PROZ: variants seen among roughly 807,000 people sequenced by gnomAD.
PROZ encodes the protein vitamin K-dependent protein Z.
A neutral mutation model predicts 34.9 loss-of-function variants in PROZ; 46 were observed. The ratio of observed to expected loss-of-function variants is 1.32; its 90% CI spans 1.04 to 1.69. The LOEUF is 1.69. PROZ is among the 40% of genes most tolerant of loss of function. The pLI, the probability that PROZ is intolerant of heterozygous loss-of-function variation, is 0.00. For synonymous variants in PROZ, 195 were observed against 208.5 expected (o/e 0.94, Z 0.56); for missense variants, 530 against 520.4 (o/e 1.02, Z -0.18).
chr13:113,172,299 C>A lies in PROZ; in HGVS notation c.*194C>A. The A allele has an allele frequency of 1.5e-6, 1 of 678,798 alleles. No individual in the cohort carries two copies. The highest frequency in any genetic ancestry group is 2.6e-5 in the Admixed American group (1 of 39,092). The allele number at this position is 678,798 out of a possible 1,614,324, so 42.0% of individuals were successfully genotyped here. On this transcript the variant is annotated 3_prime_UTR_variant, in exon 8 of 8. Transcript: ENST00000375547. The stretch of plus-strand genomic sequence containing the variant: ...ACCGAGCACTGTGACCTTTCTTTCC[C>A]TGGAACTCTTTATCTCAATAGAGAC...
chr13:113,164,579 C>T lies in PROZ; in HGVS notation c.440C>T (p.Ser147Phe), dbSNP rs2036863964. Reference protein sequence around the residue: ...CQHFCLPGQESYTCSCAQGYR... With the variant: ...CQHFCLPGQEFYTCSCAQGYR... The stretch of plus-strand genomic sequence containing the variant: ...CACTTCTGCCTCCCAGGACAGGAAT[C>T]CTACACATGCAGCTGTGCTCAGGGC... Residue 147 changes from serine (S) to phenylalanine (F), a missense_variant, in exon 5 of 8, where the codon TCC (serine) becomes TTC (phenylalanine). Ser to Phe is a radical substitution (Grantham distance 155). Coordinates refer to ENST00000375547, the MANE Select transcript of PROZ (RefSeq NM_003891.3). 1 of 1,613,672 alleles carries T rather than the reference C, an allele frequency of 6.2e-7. No individual in the cohort carries two copies. Among genetic ancestry groups the T allele is most frequent in the African/African-American group, 1.3e-5 (1 of 74,796 alleles).
intron 3 of PROZ, among the ~76,000 whole-genome samples, chr13:113,161,241 A>G (rs1172902738): frequency 6.6e-6 from 1 of 152,234 alleles, no homozygotes; most frequent in African/African-American, 2.4e-5. Context: ...CATGGGCCAC[A>G]GGCCAGGAGG....
In PROZ at chr13:113,159,932, C is replaced by A; in HGVS notation, c.71-82C>A. 1.9e-6 allele frequency: 3 copies of A among 1,553,364 alleles called. No individual in the cohort carries two copies. The highest frequency in any genetic ancestry group is 2.7e-6 in the Non-Finnish European group (3 of 1,127,792). The stretch of plus-strand genomic sequence containing the variant: ...AGACGGACGGGGCTGGGGCTGGCGG[C>A]CGGCCGGGGAGGAAGCCAGGCAGCT... On this transcript the variant is annotated intron_variant, in intron 1 of 7. Transcript: ENST00000375547. This position sits in a 1 kb window ranked among gnomAD's most constrained non-coding sequence, Gnocchi z 4.6.
chr13:113,168,551 C>G (rs577351656), intron 6 of PROZ, among the ~76,000 whole-genome samples: 1 of 152,316 alleles, frequency 6.6e-6, no homozygotes, highest in African/African-American at 2.4e-5. Context: ...ATGTCCTTAC[C>G]TGTGGCACTT....
In PROZ at chr13:113,172,099, GAACT is replaced by G. The variant is rs778294437; in HGVS notation, c.1202_*2del. On this transcript the variant is annotated frameshift_variant and stop_lost, in exon 8 of 8. Transcript: ENST00000375547. LOFTEE classifies it high-confidence loss of function. ...ACTCACTCTGGTTTAAACAGATCAT[GAACT>G]AACTGAAACTCAGCTAGCCAGAATG... 2.8e-5 allele frequency: 45 copies of G among 1,612,420 alleles called. No individual in the cohort carries two copies. The highest frequency in any genetic ancestry group is 1.7e-4 in the Admixed American group (10 of 59,952).
chr13:113,164,274 G>A (rs557689828), intron 4 of PROZ, among the ~76,000 whole-genome samples: 15 of 152,116 alleles, frequency 9.9e-5, no homozygotes, highest in South Asian at 2.1e-4. Flanking sequence ...CACCGCGCCC[G>A]GCCTCACTCA....
chr13:113,171,552 A>G lies in PROZ; in HGVS notation c.692-42A>G. ...CTCGTTTGAGCATTATGTCCCCTTG[A>G]AAATCAGACTGTAAAGAACTGACGA... is the stretch of plus-strand genomic sequence containing the variant. On this transcript the variant is annotated intron_variant, in intron 7 of 7. Transcript: ENST00000375547. The surrounding 1 kb of genome is among the most constrained non-coding windows in gnomAD (Gnocchi z 5.1). The G allele has an allele frequency of 6.2e-7, 1 of 1,613,326 alleles. No individual in the cohort carries two copies. Among genetic ancestry groups the G allele is most frequent in the Non-Finnish European group, 8.5e-7 (1 of 1,179,882 alleles).
chr13:113,159,087 C>A lies in PROZ; in HGVS notation c.70+357C>A, dbSNP rs1317333367. ...GGTGGGGCAGGCTGAGCCCAGACTG[C>A]AATGTGGGCAGAGAGAGCCTTGGCC... On this transcript the variant is annotated intron_variant, in intron 1 of 7. Transcript: ENST00000375547. This position sits in a 1 kb window ranked among gnomAD's most constrained non-coding sequence, Gnocchi z 4.6. The A allele has an allele frequency of 1.2e-6, 1 of 865,752 alleles. No individual in the cohort carries two copies. 53.6% of individuals were successfully genotyped at this position (865,752 alleles called of 1,614,324 possible). A position where few individuals can be genotyped will look rare whatever the true frequency, so the allele number is the denominator to read the frequency against.
At chr13:113,165,555 G>T (rs888956363) in intron 6 of PROZ, among the ~76,000 whole-genome samples, 1 of 152,080 alleles carries the variant, frequency 6.6e-6, no homozygotes, top group African/African-American at 2.4e-5. Flanking sequence ...TTTTGAGATG[G>T]AGTCTCAATC....
Position 113,160,118 on chromosome 13 carries a change from T to G in PROZ, c.175T>G (p.Tyr59Asp). ...CGAGGGAAACTTGGAAAAAGAATGT[T>G]ATGAAGAAATCTGTGTCTATGAAGA... ...LFEGNLEKEC[Y>D]EEICVYEEAR... The change falls in exon 2 of 8, where the codon TAT becomes GAT. Residue 59 changes from tyrosine (Y) to aspartate (D), a missense_variant. Transcript: ENST00000375547. The G allele has an allele frequency of 6.2e-7, 1 of 1,614,094 alleles. No individual in the cohort carries two copies. Among genetic ancestry groups the G allele is most frequent in the Non-Finnish European group, 8.5e-7 (1 of 1,180,022 alleles).
chr13:113,164,548 T>C lies in PROZ; in HGVS notation c.409T>C (p.Cys137Arg), dbSNP rs753591944. 1.1e-5 allele frequency: 17 copies of C among 1,612,670 alleles called. No homozygotes were observed. The highest frequency in any genetic ancestry group is 1.4e-5 in the Non-Finnish European group (17 of 1,179,860). Residue 137 changes from cysteine (C) to arginine (R), a missense_variant, in exon 5 of 8, where the codon TGT becomes CGT. By Grantham distance (180) the Cys-to-Arg change is radical. Transcript: ENST00000375547. Reference protein sequence around the residue: ...NECHPERTDGCQHFCLPGQES... With the variant: ...NECHPERTDGRQHFCLPGQES... ...ATGTCACCCAGAGCGGACTGATGGG[T>C]GTCAACACTTCTGCCTCCCAGGACA...
At position 113,168,983 on chromosome 13, in the gene PROZ, C is replaced by A. The variant is rs3024759; in HGVS notation, c.574-1430C>A. ...GGCTCAAGCAATCCTTCCACCTCAG[C>A]CTCCCAAAGTGCTGGGATTATAGGC... On this transcript the variant is annotated intron_variant, in intron 6 of 7. Transcript: ENST00000375547. Among the ~76,000 whole-genome samples the A allele has an allele frequency of 7.2e-3, 1,101 of 152,302 alleles. 18 individuals carry two copies. Among genetic ancestry groups the A allele is most frequent in the African/African-American group, 0.025 (1,030 of 41,560 alleles).
chr13:113,168,195 C>T (rs990409678), intron 6 of PROZ, among the ~76,000 whole-genome samples: 1 of 152,234 alleles, frequency 6.6e-6, no homozygotes, highest in Non-Finnish European at 1.5e-5. Context: ...AGGAAAAAAA[C>T]CTTACATATA....
At position 113,163,078 on chromosome 13, in the gene PROZ, C is replaced by T. The variant is rs760704828; in HGVS notation, c.329C>T (p.Thr110Ile). The part of the protein sequence containing the change: ...GSCQDSIWGY[T>I]CTCSPGYEGS... Reference sequence around the variant, plus strand: ...TGCCAGGACAGCATCTGGGGCTACACCTGCACCTGCTCCCCCGGCTATGAG... The same window carrying T: ...TGCCAGGACAGCATCTGGGGCTACATCTGCACCTGCTCCCCCGGCTATGAG... Residue 110 changes from threonine (T) to isoleucine (I), a missense_variant, in exon 4 of 8, where the codon ACC becomes ATC. Physicochemically the swap from Thr to Ile is moderately conservative, Grantham distance 89 (BLOSUM62 -1). Transcript: ENST00000375547. 4 of 1,560,636 alleles carry T rather than the reference C, an allele frequency of 2.6e-6. No homozygotes were observed. The highest frequency in any genetic ancestry group is 8.7e-7 in the Non-Finnish European group (1 of 1,151,594).
chr13:113,166,186 T>C (rs1476627821), intron 6 of PROZ: 2 of 152,216 alleles, frequency 1.3e-5, no homozygotes. Flanking sequence ...TAATTTAAAA[T>C]TTTCTAGTAG....
chr13:113,163,678 C>G (rs890840307), intron 4 of PROZ, among the ~76,000 whole-genome samples: 6 of 152,092 alleles, frequency 3.9e-5, no homozygotes, highest in African/African-American at 1.4e-4. Flanking sequence ...CTCCTTGATG[C>G]CCCAGCTAAT....
chr13:113,162,935 A>ACCC (rs2036788306), intron 3 of PROZ, 74 bp from the exon 4 acceptor site: 1 of 621,288 alleles, frequency 1.6e-6, no homozygotes, highest in Non-Finnish European at 2.4e-6. Context: ...CATTCCTGTC[A>ACCC]CCACCCCCAC....
chr13:113,164,968 A>C (rs1374648551), intron 5 of PROZ, 85 bp from the exon 6 acceptor site: 1 of 1,327,566 alleles, frequency 7.5e-7, no homozygotes, highest in Non-Finnish European at 1.1e-6. Flanking sequence ...AGACGGAATT[A>C]TGCAACGGTT....
In PROZ at chr13:113,160,079, C is replaced by T; in HGVS notation, c.136C>T (p.Leu46=). 6.2e-7 allele frequency: 1 copy of T among 1,614,162 alleles called. No individual in the cohort carries two copies. Residue 46 remains leucine (L), a synonymous_variant, in exon 2 of 8, where the codon CTG becomes TTG. Coordinates refer to ENST00000375547, the MANE Select transcript of PROZ (RefSeq NM_003891.3). The part of the protein sequence containing the change: ...VRWKRAGSYL[L]EELFEGNLEK... Reference sequence around the variant, plus strand: ...GTGGAAGCGTGCGGGCTCCTATCTTCTGGAAGAACTCTTCGAGGGAAACTT... The same window carrying T: ...GTGGAAGCGTGCGGGCTCCTATCTTTTGGAAGAACTCTTCGAGGGAAACTT...
Sources: allele counts gnomAD v4.1 joint callset (sites outside exome capture counted in the v4.1 genomes callset), GRCh38; gene constraint gnomAD v4.1.1; non-coding constraint Gnocchi (gnomAD v3.1); transcripts MANE v1.5; gene names NCBI Gene and HGNC (gene_info 2026-07-23, HGNC 2026-07-21).